MIPOL1: variants seen among roughly 807,000 people sequenced by gnomAD.
MIPOL1 encodes the protein mirror-image polydactyly 1, also known as mirror-image polydactyly gene 1 protein.
In MIPOL1, 57 loss-of-function variants were observed where a neutral mutation model predicts 60.9. The ratio of observed to expected loss-of-function variants is 0.94; its 90% CI spans 0.76 to 1.17. The LOEUF (loss-of-function observed/expected upper bound fraction) is 1.17. MIPOL1 is among the 50% of genes most tolerant of loss of function. MIPOL1 has a pLI of 0.00. For synonymous variants in MIPOL1, 179 were observed against 168.8 expected (o/e 1.06, Z -0.47); for missense variants, 551 against 511.6 (o/e 1.08, Z -0.74).
chr14:37,299,516 C>A (rs2086171183), intron 7 of MIPOL1, among the ~76,000 whole-genome samples: 1 of 151,922 alleles, frequency 6.6e-6, no homozygotes, highest in South Asian at 2.1e-4. Flanking sequence ...GTTGCATATT[C>A]TGTTCATGAG....
intron 3 of MIPOL1, among the ~76,000 whole-genome samples, chr14:37,257,419 G>A (rs1174676492): frequency 6.6e-6 from 1 of 151,966 alleles, no homozygotes; most frequent in African/African-American, 2.4e-5. Context: ...TGTGACATTT[G>A]ATGAATGTCT....
At chr14:37,381,248 T>C (rs780846337) in intron 10 of MIPOL1, among the ~76,000 whole-genome samples, 4 of 152,060 alleles carry the variant, frequency 2.6e-5, no homozygotes, top group Non-Finnish European at 5.9e-5. Flanking sequence ...TACCTTCTAC[T>C]CTCATTGGTG....
intron 11 of MIPOL1, among the ~76,000 whole-genome samples, chr14:37,433,715 C>T (rs2153560651): frequency 6.6e-6 from 1 of 152,106 alleles, no homozygotes; most frequent in Middle Eastern, 3.4e-3. Flanking sequence ...GCCACCATGC[C>T]CGGCTAATTT....
intron 12 of MIPOL1, among the ~76,000 whole-genome samples, chr14:37,543,126 C>A (rs1008954310): frequency 6.6e-6 from 1 of 152,184 alleles, no homozygotes; most frequent in Non-Finnish European, 1.5e-5. Flanking sequence ...ATCCACCTCA[C>A]CTCATTCTAT....
chr14:37,428,645 G>GT (rs2094007835), intron 11 of MIPOL1, among the ~76,000 whole-genome samples: 1 of 148,190 alleles, frequency 6.7e-6, no homozygotes, highest in South Asian at 2.1e-4. Context: ...AAAAAAGTGG[G>GT]TTTTTTTCCA....
Position 37,412,932 on chromosome 14 carries a change from T to C in MIPOL1, c.937-9923T>C, listed in dbSNP as rs540800985. Among the ~76,000 whole-genome samples, 6 of 152,180 alleles carry C rather than the reference T, an allele frequency of 3.9e-5. No homozygotes were observed. The East Asian group carries it at 1.2e-3, about 29-fold the overall frequency. On this transcript the variant is annotated intron_variant, in intron 10 of 12. Transcript: ENST00000684589. ...TAAGAAGTAATAATTAAAATGGGGC[T>C]TGAAGGATTGATGTAGATTTGATAG... is the stretch of plus-strand genomic sequence containing the variant.
intron 10 of MIPOL1, among the ~76,000 whole-genome samples, chr14:37,375,628 G>A (rs910864960): frequency 6.6e-6 from 1 of 152,022 alleles, no homozygotes; most frequent in African/African-American, 2.4e-5. Context: ...TATTTATTAT[G>A]TATTATCTTT....
At chr14:37,545,718 A>G (rs1041561728) in intron 12 of MIPOL1, 6 of 644,282 alleles carry the variant, frequency 9.3e-6, no homozygotes, top group Non-Finnish European at 1.7e-5. Context: ...TTTCAGCATT[A>G]TATGCAGTTG....
At chr14:37,497,382 A>G (rs1279872692) in intron 11 of MIPOL1, among the ~76,000 whole-genome samples, 2 of 152,238 alleles carry the variant, frequency 1.3e-5, no homozygotes, top group African/African-American at 2.4e-5. Context: ...GAATTCCCAA[A>G]CGAAGCTGTC....
At chr14:37,266,009 G>A (rs188755074) in intron 3 of MIPOL1, among the ~76,000 whole-genome samples, 1 of 152,108 alleles carries the variant, frequency 6.6e-6, no homozygotes, top group Non-Finnish European at 1.5e-5. Context: ...TTTTAGAATG[G>A]AAGTCTGGAG....
chr14:37,546,862 C>T (rs2095549437), intron 12 of MIPOL1, 43 bp from the exon 13 acceptor site: 1 of 1,485,996 alleles, frequency 6.7e-7, no homozygotes, highest in African/African-American at 1.4e-5. Flanking sequence ...ACAATAATTG[C>T]CCTTTTTTTC....
intron 1 of MIPOL1, among the ~76,000 whole-genome samples, chr14:37,242,804 A>G (rs1466138271): frequency 6.6e-6 from 1 of 152,232 alleles, no homozygotes; most frequent in East Asian, 1.9e-4. Flanking sequence ...ATCTAAACAG[A>G]TCAGTTTCAT....
chr14:37,337,925 TAAG>T (rs1309075459), intron 9 of MIPOL1, among the ~76,000 whole-genome samples: 1 of 152,012 alleles, frequency 6.6e-6, no homozygotes, highest in Non-Finnish European at 1.5e-5. Flanking sequence ...ACTCAAAAGA[TAAG>T]AAGGCTTTGT....
chr14:37,398,427 G>A (rs1041277514), intron 10 of MIPOL1, among the ~76,000 whole-genome samples: 2 of 152,064 alleles, frequency 1.3e-5, no homozygotes, highest in East Asian at 3.9e-4. Flanking sequence ...GCTAAAATTC[G>A]CAATGTGAGC....
At chr14:37,445,036 C>T (rs2094310700) in intron 11 of MIPOL1, among the ~76,000 whole-genome samples, 1 of 152,202 alleles carries the variant, frequency 6.6e-6, no homozygotes, top group Admixed American at 6.5e-5. Context: ...TGCCCTCTCT[C>T]ACCACTCCTA....
chr14:37,351,008 C>G (rs573826090), intron 9 of MIPOL1, among the ~76,000 whole-genome samples: 1 of 149,854 alleles, frequency 6.7e-6, no homozygotes, highest in African/African-American at 2.5e-5. Flanking sequence ...ACTGCACCCA[C>G]TAACTCATCA....
chr14:37,475,107 G>A (rs973343799), intron 11 of MIPOL1, among the ~76,000 whole-genome samples: 1 of 151,976 alleles, frequency 6.6e-6, no homozygotes, highest in Non-Finnish European at 1.5e-5. Context: ...TGGGACTACA[G>A]GCATGCACCA....
In MIPOL1 at chr14:37,217,195, A is replaced by G. The variant is rs370626079; in HGVS notation, c.-199+19091A>G. 1.5e-4 allele frequency among the ~76,000 whole-genome samples: 23 copies of G among 152,328 alleles called. 2 individuals carry two copies. Among genetic ancestry groups the G allele is most frequent in the African/African-American group, 5.5e-4 (23 of 41,580 alleles). On this transcript the variant is annotated intron_variant, in intron 1 of 12. Coordinates refer to ENST00000684589, the MANE Select transcript of MIPOL1 (RefSeq NM_001388067.1). The stretch of plus-strand genomic sequence containing the variant: ...ACCTACAACCTACAATGTTTGAACC[A>G]GGAAGAAATTCAAAACCTGAACAGG...
At chr14:37,487,185 C>T (rs1016903752) in intron 11 of MIPOL1, among the ~76,000 whole-genome samples, 6 of 151,948 alleles carry the variant, frequency 3.9e-5, no homozygotes, top group Admixed American at 6.6e-5. Flanking sequence ...GGGATGAAGC[C>T]GACTTGATCG....
Sources: gnomAD v4.1 joint callset for allele counts (sites outside exome capture counted in the v4.1 genomes callset) on GRCh38, gnomAD v4.1.1 for gene constraint, MANE v1.5 for transcripts, NCBI Gene and HGNC (gene_info 2026-07-23, HGNC 2026-07-21) for gene names.